The following PKD1L1 variants were observed in gnomAD, a reference collection of about 807,000 sequenced individuals.
PKD1L1 encodes the protein polycystin-1-like protein 1.
Under a neutral mutation model 323.4 loss-of-function variants are expected in PKD1L1, and 236 were observed. The ratio of observed to expected loss-of-function variants is 0.73; its 90% CI spans 0.66 to 0.81. The LOEUF is 0.81. PKD1L1 is among the 40% of genes least tolerant of loss of function. The pLI, the probability that PKD1L1 is intolerant of heterozygous loss-of-function variation, is 0.00. For missense variants in PKD1L1, 3,320 were observed against 3,508.0 expected, an observed-to-expected ratio of 0.95 and a Z score of 1.35; for synonymous variants, 1,344 against 1,335.0, an observed-to-expected ratio of 1.01 and a Z score of -0.15.
At chr7:47,943,163 A>T (rs56186926) in intron 2 of PKD1L1, among the ~76,000 whole-genome samples, 10 of 34,116 alleles carry the variant, frequency 2.9e-4, no homozygotes, top group South Asian at 8.9e-4. Flanking sequence ...AAAAAAAAAA[A>T]ATATATATAT....
intron 36 of PKD1L1, among the ~76,000 whole-genome samples, chr7:47,837,712 T>C (rs1785487508): frequency 6.6e-6 from 1 of 152,198 alleles, no homozygotes; most frequent in African/African-American, 2.4e-5. Context: ...TAGCCCACAG[T>C]GTCTGGCACA....
Position 47,836,308 on chromosome 7 carries a change from C to T in PKD1L1, c.5943+613G>A, listed in dbSNP as rs190685705. 6.8e-3 allele frequency among the ~76,000 whole-genome samples: 1,034 copies of T among 152,304 alleles called. 12 individuals are homozygous for T. Among genetic ancestry groups the T allele is most frequent in the Non-Finnish European group, 6.6e-3 (448 of 68,022 alleles). ...GTCACCACATTCTGCAGCCACACTA[C>T]GACCCAGCGGTGAACCCGGTGGGCT... is the stretch of plus-strand genomic sequence containing the variant. On this transcript the variant is annotated intron_variant, in intron 37 of 56. Coordinates refer to ENST00000289672, the MANE Select transcript of PKD1L1 (RefSeq NM_138295.5).
chr7:47,955,233 A>C, the PKD1L1 span, among the ~76,000 whole-genome samples: 6 of 152,240 alleles, frequency 3.9e-5, no homozygotes, highest in South Asian at 1.2e-3. Flanking sequence ...TCAAAATGAC[A>C]AATAAAAAGT....
At chr7:47,954,769 T>C in the PKD1L1 span, among the ~76,000 whole-genome samples, 1 of 152,226 alleles carries the variant, frequency 6.6e-6, no homozygotes, top group Non-Finnish European at 1.5e-5. Context: ...GTGGTCAGCA[T>C]GTTTAGTCAC....
intron 36 of PKD1L1, 106 bp from the exon 37 acceptor site, chr7:47,837,200 G>T (rs1239868993): frequency 2.2e-5 from 29 of 1,298,464 alleles, no homozygotes; most frequent in Non-Finnish European, 3.0e-5. Flanking sequence ...CGAGCTTTCT[G>T]GTTCTTCCAT....
At chr7:47,815,222 TG>T in intron 47 of PKD1L1, 111 bp downstream of exon 47, 1 of 1,403,358 alleles carries the variant, frequency 7.1e-7, no homozygotes, top group South Asian at 1.4e-5. Context: ...TACACCTGCA[TG>T]GTCATTCAAG....
At chr7:47,910,539 C>A (rs1393259602) in intron 8 of PKD1L1, among the ~76,000 whole-genome samples, 2 of 152,142 alleles carry the variant, frequency 1.3e-5, no homozygotes, top group East Asian at 3.9e-4. Context: ...AGGGTTTCAC[C>A]GTGTTAGCCA....
intron 48 of PKD1L1, chr7:47,813,537 C>A (rs570107155): frequency 6.7e-5 from 46 of 687,060 alleles, no homozygotes; most frequent in Admixed American, 6.1e-4. Flanking sequence ...AAGGCTTAGA[C>A]CACTTGAAGA....
rs1225214936 is a variant in PKD1L1, at chr7:47,880,284, A to ATAT, written c.3520+443_3520+444insATA. ...TATATACATATATATATATATATAT[A>ATAT]TTTTTTTTTTTTTTTTTGAGACAGT... On this transcript the variant is annotated intron_variant, in intron 21 of 56. Coordinates refer to ENST00000289672, the MANE Select transcript of PKD1L1 (RefSeq NM_138295.5). 6.6e-3 allele frequency among the ~76,000 whole-genome samples: 375 copies of ATAT among 56,784 alleles called. 6 individuals are homozygous for ATAT. Among genetic ancestry groups the ATAT allele is most frequent in the Non-Finnish European group, 8.7e-3 (306 of 35,192 alleles). The allele number at this position is 56,784 out of a possible 152,430, so 37.3% of individuals were successfully genotyped here. A position where few individuals can be genotyped will look rare whatever the true frequency, so the allele number is the denominator to read the frequency against.
At chr7:47,831,578 G>C (rs758530058) in intron 41 of PKD1L1, among the ~76,000 whole-genome samples, 31 of 152,142 alleles carry the variant, frequency 2.0e-4, no homozygotes, top group Admixed American at 6.5e-4. Context: ...CTAGCCACAG[G>C]CCTCCTCCAA....
At chr7:47,872,553 A>T (rs1005642602) in intron 24 of PKD1L1, among the ~76,000 whole-genome samples, 1 of 152,226 alleles carries the variant, frequency 6.6e-6, no homozygotes, top group Non-Finnish European at 1.5e-5. Flanking sequence ...CTAAGCAGAC[A>T]TTTCTTCAAG....
Position 47,884,605 on chromosome 7 carries a change from T to A in PKD1L1, c.3258A>T (p.Arg1086Ser). Residue 1086 changes from arginine (R) to serine (S), a missense_variant, in exon 19 of 57, where the codon AGA becomes AGT. Transcript: ENST00000289672. ...DIQEAIPSGG[R>S]QPAKDTSFPG... ...GCATAGAAGCACAGTCACCTGGCTGTCTTCCTCCCGATGGTATTGCTTCTT... is the reference window on the plus strand; with the variant it reads ...GCATAGAAGCACAGTCACCTGGCTGACTTCCTCCCGATGGTATTGCTTCTT... The A allele has an allele frequency of 6.2e-7, 1 of 1,613,940 alleles. No individual in the cohort carries two copies.
intron 36 of PKD1L1, among the ~76,000 whole-genome samples, chr7:47,837,989 C>A (rs117296884): frequency 0.021 from 3,243 of 152,282 alleles, 51 homozygotes; most frequent in Non-Finnish European, 0.031. Flanking sequence ...AATTAATAAG[C>A]CTACATTTCT....
chr7:47,907,691 GC>G (rs1156725285), intron 9 of PKD1L1, among the ~76,000 whole-genome samples: 1 of 152,128 alleles, frequency 6.6e-6, no homozygotes, highest in Non-Finnish European at 1.5e-5. Context: ...GTGCTGCAAG[GC>G]TCATTATGTA....
Position 47,840,642 on chromosome 7 carries a change from T to A in PKD1L1, c.5446-75A>T. The A allele has an allele frequency of 8.7e-7, 1 of 1,150,546 alleles. No individual in the cohort carries two copies. Among genetic ancestry groups the A allele is most frequent in the Non-Finnish European group, 1.3e-6 (1 of 774,948 alleles). 71.3% of individuals were successfully genotyped at this position (1,150,546 alleles called of 1,614,324 possible). On this transcript the variant is annotated intron_variant, in intron 34 of 56. Coordinates refer to ENST00000289672, the MANE Select transcript of PKD1L1 (RefSeq NM_138295.5). The surrounding 1 kb of genome is among the most constrained non-coding windows in gnomAD (Gnocchi z 4.1). ...CCATGCAATGCTGGGCAGGGCTTCCTCGCACTTTCTCCCAGCGTCCCACCC... is the reference window on the plus strand; with the variant it reads ...CCATGCAATGCTGGGCAGGGCTTCCACGCACTTTCTCCCAGCGTCCCACCC...
chr7:47,951,603 A>C (rs1052701367), upstream of PKD1L1, among the ~76,000 whole-genome samples: 2 of 152,210 alleles, frequency 1.3e-5, no homozygotes, highest in African/African-American at 4.8e-5. Flanking sequence ...ACAGTGTAAA[A>C]AGGCACAGAG....
chr7:47,847,094 A>G, intron 31 of PKD1L1, 23 bp from the exon 32 acceptor site: 1 of 1,544,448 alleles, frequency 6.5e-7, no homozygotes, highest in East Asian at 2.3e-5. Context: ...AACATAAATA[A>G]AAAGTACAAC....
At chr7:47,944,700 T>C (rs532943925) in intron 1 of PKD1L1, among the ~76,000 whole-genome samples, 1 of 152,320 alleles carries the variant, frequency 6.6e-6, no homozygotes, top group Admixed American at 6.5e-5. Context: ...CCCTCTGGAC[T>C]CCCTAGGCCT....
chr7:47,849,369 G>T (rs574322572), intron 31 of PKD1L1, among the ~76,000 whole-genome samples: 2 of 152,208 alleles, frequency 1.3e-5, no homozygotes, highest in South Asian at 4.2e-4. Flanking sequence ...AAACCAAAAA[G>T]CTCCTTCAAA....
Sources: gnomAD v4.1 joint callset for allele counts (sites outside exome capture counted in the v4.1 genomes callset) on GRCh38, gnomAD v4.1.1 for gene constraint, Gnocchi (gnomAD v3.1) non-coding constraint, MANE v1.5 for transcripts, NCBI Gene and HGNC (gene_info 2026-07-23, HGNC 2026-07-21) for gene names.